Variants in SLC25A43 observed in about 807,000 individuals in gnomAD.
The protein encoded by SLC25A43 is solute carrier family 25 member 43.
SLC25A43 carries 10 observed loss-of-function variants against 22.8 expected under a neutral mutation model. The observed-to-expected ratio is 0.44, with a 90% CI of 0.27 to 0.74. SLC25A43 has a LOEUF of 0.74. SLC25A43 is among the 30% of genes least tolerant of loss of function. The probability of loss-of-function intolerance (pLI) is 0.17; values close to 1 mark genes in which losing one functional copy is unlikely to be tolerated. For missense variants in SLC25A43, 233 were observed against 279.1 expected, an observed-to-expected ratio of 0.83 and a Z score of 1.18; for synonymous variants, 106 against 121.6, an observed-to-expected ratio of 0.87 and a Z score of 0.84.
At chrX:119,403,859 G>A (rs982140315) in intron 1 of SLC25A43, among the ~76,000 whole-genome samples, 8 of 110,312 alleles carry the variant, frequency 7.3e-5, no homozygotes, top group Admixed American at 6.7e-4. Flanking sequence ...TCTGATAAAT[G>A]GACACCAACT....
intron 3 of SLC25A43, among the ~76,000 whole-genome samples, chrX:119,429,776 G>A (rs763508349): frequency 8.9e-6 from 1 of 111,872 alleles, no homozygotes; most frequent in African/African-American, 3.2e-5. Flanking sequence ...TTCGTGTGGA[G>A]GTCTCAGAAG....
At chrX:119,404,775 C>T (rs184282664) in intron 1 of SLC25A43, among the ~76,000 whole-genome samples, 93 of 110,293 alleles carry the variant, frequency 8.4e-4, no homozygotes, top group Non-Finnish European at 1.2e-3. Flanking sequence ...GAAGAATTGT[C>T]GGGCCACACA....
chrX:119,421,684 A>G (rs1244097785), intron 3 of SLC25A43, among the ~76,000 whole-genome samples: 1 of 111,855 alleles, frequency 8.9e-6, no homozygotes, highest in Non-Finnish European at 1.9e-5. Context: ...GGCTTTTCCC[A>G]TCCCCAAAAC....
intron 3 of SLC25A43, among the ~76,000 whole-genome samples, chrX:119,446,072 G>A (rs1320036757): frequency 1.1e-5 from 1 of 93,820 alleles, no homozygotes; most frequent in South Asian, 6.2e-4. Flanking sequence ...AGAATTGCTT[G>A]AATCTGGGAG....
intron 3 of SLC25A43, chrX:119,426,372 C>T (rs2052504380): frequency 3.0e-6 from 1 of 335,078 alleles, no homozygotes; most frequent in Non-Finnish European, 3.9e-6. Context: ...TGGTGCCTAC[C>T]TCATCTACTT....
At chrX:119,399,765 A>G (rs1443510339) in intron 1 of SLC25A43, 87 bp downstream of exon 1, 1 of 931,919 alleles carries the variant, frequency 1.1e-6, no homozygotes, top group African/African-American at 2.1e-5. Context: ...TGCTGCCTGG[A>G]CTCGGGGCCC....
intron 3 of SLC25A43, among the ~76,000 whole-genome samples, chrX:119,449,668 T>C (rs1052290552): frequency 1.8e-5 from 2 of 110,675 alleles, no homozygotes; most frequent in African/African-American, 6.6e-5. Flanking sequence ...AGGTTGAGGC[T>C]GCAGTGAGCC....
intron 3 of SLC25A43, chrX:119,426,321 C>A: frequency 1.6e-6 from 1 of 612,936 alleles, no homozygotes; most frequent in Non-Finnish European, 2.0e-6. Context: ...CCACATAACC[C>A]ATCTGAGCCT....
At chrX:119,431,952 G>T (rs1026553931) in intron 3 of SLC25A43, among the ~76,000 whole-genome samples, 1 of 109,988 alleles carries the variant, frequency 9.1e-6, no homozygotes, top group African/African-American at 3.3e-5. Context: ...TTAGGAGTTC[G>T]AGACCAGCCT....
intron 3 of SLC25A43, among the ~76,000 whole-genome samples, chrX:119,415,916 G>GA (rs1473026743): frequency 9.5e-6 from 1 of 105,724 alleles, no homozygotes; most frequent in Non-Finnish European, 1.9e-5. Context: ...ACTGAGGAGG[G>GA]AGGATCACTT....
intron 1 of SLC25A43, among the ~76,000 whole-genome samples, chrX:119,402,036 T>C: frequency 8.9e-6 from 1 of 111,865 alleles, no homozygotes; most frequent in Non-Finnish European, 1.9e-5. Flanking sequence ...TGGCAAGGCA[T>C]AGTTGGAAAG....
rs1302161108 is a variant in SLC25A43 at position 119,443,108 on chromosome X, TTCTC to T, written c.691-8895_691-8892del. Among the ~76,000 whole-genome samples, 3 of 95,192 alleles carry T rather than the reference TTCTC, an allele frequency of 3.2e-5. No homozygotes were observed. The Admixed American group carries it at 3.7e-4, about 12-fold the overall frequency. The allele number at this position is 95,192 out of a possible 115,157, so 82.7% of individuals were successfully genotyped here. On this transcript the variant is annotated intron_variant, in intron 3 of 4. Coordinates refer to ENST00000217909, the MANE Select transcript of SLC25A43 (RefSeq NM_145305.3). ...ACCATCTCCAGTCTTTCTTTTCCCA[TTCTC>T]TCTCTTTTTTTTTTTTTTTTTTTTT...
At chrX:119,449,754 A>T (rs1349479469) in intron 3 of SLC25A43, among the ~76,000 whole-genome samples, 1 of 110,581 alleles carries the variant, frequency 9.0e-6, no homozygotes, top group Non-Finnish European at 1.9e-5. Context: ...AAGAAAAGAA[A>T]AGAAAAGAAT....
chrX:119,411,413 T>A (rs1261798236), intron 3 of SLC25A43, among the ~76,000 whole-genome samples: 1 of 107,459 alleles, frequency 9.3e-6, no homozygotes. Context: ...GGCAGGAGAA[T>A]CACTTGAACC....
chrX:119,411,011 G>T (rs955918379), intron 3 of SLC25A43, among the ~76,000 whole-genome samples: 4 of 111,040 alleles, frequency 3.6e-5, no homozygotes, highest in Non-Finnish European at 7.6e-5. Context: ...GACCAGCAGA[G>T]AGTAGAATAT....
chrX:119,413,204 T>G (rs746672740), intron 3 of SLC25A43, among the ~76,000 whole-genome samples: 1 of 110,649 alleles, frequency 9.0e-6, no homozygotes, highest in Non-Finnish European at 1.9e-5. Flanking sequence ...GAAAAAAAAG[T>G]AATACACATA....
intron 3 of SLC25A43, among the ~76,000 whole-genome samples, chrX:119,424,633 C>G (rs904508393): frequency 9.6e-6 from 1 of 104,484 alleles, no homozygotes; most frequent in Non-Finnish European, 2.0e-5. Flanking sequence ...TTGAGAAAAT[C>G]AATACTTTGC....
chrX:119,423,854 A>G (rs1266461135), intron 3 of SLC25A43: 3 of 108,138 alleles, frequency 2.8e-5, no homozygotes, highest in African/African-American at 1.0e-4. Context: ...AATGTGGGAA[A>G]CTCGACTGCA....
chrX:119,452,622 T>C (rs1221573448), intron 4 of SLC25A43, among the ~76,000 whole-genome samples: 1 of 111,711 alleles, frequency 9.0e-6, no homozygotes, highest in African/African-American at 3.2e-5. Flanking sequence ...TGCGTGCATA[T>C]GACCCAGATC....
Sources: allele counts gnomAD v4.1 joint callset (sites outside exome capture counted in the v4.1 genomes callset), GRCh38; gene constraint gnomAD v4.1.1; transcripts MANE v1.5; gene names NCBI Gene and HGNC (gene_info 2026-07-23, HGNC 2026-07-21).